The following OR6N1 variants were observed in gnomAD, a reference collection of about 807,000 sequenced individuals.
OR6N1 encodes the protein olfactory receptor 6N1.
For synonymous variants in OR6N1, 170 were observed against 150.7 expected, an observed-to-expected ratio of 1.13 and a Z score of -0.94; for missense variants, 394 against 371.7, an observed-to-expected ratio of 1.06 and a Z score of -0.49.
chr1:158,811,717 C>A, the OR6N1 span, among the ~76,000 whole-genome samples: 1 of 152,066 alleles, frequency 6.6e-6, no homozygotes, highest in Non-Finnish European at 1.5e-5. Flanking sequence ...CAGATAATAG[C>A]AAAATTAAAT....
chr1:158,825,890 G>A, the OR6N1 span, among the ~76,000 whole-genome samples: 1 of 152,128 alleles, frequency 6.6e-6, no homozygotes, highest in Non-Finnish European at 1.5e-5. Context: ...ATTCATCAAT[G>A]GTAGACTGGG....
chr1:158,773,986 T>A (rs1206795727), upstream of OR6N1, among the ~76,000 whole-genome samples: 1 of 152,232 alleles, frequency 6.6e-6, no homozygotes, highest in Non-Finnish European at 1.5e-5. Context: ...GTGCTAATAC[T>A]CCCACTGTAT....
the OR6N1 span, among the ~76,000 whole-genome samples, chr1:158,807,194 TC>T: frequency 3.9e-5 from 6 of 152,100 alleles, no homozygotes; most frequent in Admixed American, 3.9e-4. Flanking sequence ...AGTTCAATAA[TC>T]TTTATAATTT....
At chr1:158,821,259 A>G in the OR6N1 span, among the ~76,000 whole-genome samples, 1 of 152,124 alleles carries the variant, frequency 6.6e-6, no homozygotes. Context: ...CATCATCAAC[A>G]TACCCCACCA....
chr1:158,787,604 CTCTA>C, the OR6N1 span, among the ~76,000 whole-genome samples: 20 of 130,082 alleles, frequency 1.5e-4, no homozygotes, highest in African/African-American at 5.1e-4. Flanking sequence ...CTCTCTCTCT[CTCTA>C]TCTATCTCTC....
the OR6N1 span, among the ~76,000 whole-genome samples, chr1:158,788,345 A>G: frequency 1.3e-5 from 2 of 152,160 alleles, no homozygotes; most frequent in Non-Finnish European, 2.9e-5. Flanking sequence ...TCAGGGCAGT[A>G]TTGCTGTTAA....
the OR6N1 span, among the ~76,000 whole-genome samples, chr1:158,803,144 G>A: frequency 9.9e-5 from 15 of 152,018 alleles, no homozygotes; most frequent in Non-Finnish European, 1.8e-4. Context: ...CATATTAAAC[G>A]GAAGAAAAAT....
chr1:158,773,921 G>T (rs1037923839), upstream of OR6N1, among the ~76,000 whole-genome samples: 5 of 152,160 alleles, frequency 3.3e-5, no homozygotes, highest in African/African-American at 1.2e-4. Context: ...TTAGCTTTGA[G>T]ATAGCCTGCC....
chr1:158,837,778 G>A, the OR6N1 span, among the ~76,000 whole-genome samples: 1 of 151,524 alleles, frequency 6.6e-6, no homozygotes, highest in South Asian at 2.1e-4. Context: ...TTTGTTTTCT[G>A]TATGTCTTAA....
chr1:158,832,383 T>C, the OR6N1 span, among the ~76,000 whole-genome samples: 1 of 151,848 alleles, frequency 6.6e-6, no homozygotes, highest in South Asian at 2.1e-4. Context: ...TAAATCTAAA[T>C]CTAAGCTATT....
In OR6N1 at chr1:158,765,825, G is replaced by C; in HGVS notation, c.858C>G (p.Asn286Lys). The change falls in exon 2 of 2, where the codon AAC (asparagine) becomes AAG (lysine). Residue 286 changes from asparagine to lysine, a missense_variant. By Grantham distance (94) the Asn-to-Lys change is moderately conservative. Transcript: ENST00000641846. Reference protein sequence around the residue: ...VVYSVLTPFLNPFIYSLRNKE... With the variant: ...VVYSVLTPFLKPFIYSLRNKE... ...TGTTGCGCAAGCTGTAGATGAAGGG[G>C]TTGAGGAAGGGTGTGAGCACTGAGT... 1 of 1,614,168 alleles carries C rather than the reference G, an allele frequency of 6.2e-7. No individual in the cohort carries two copies. Among genetic ancestry groups the C allele is most frequent in the Non-Finnish European group, 8.5e-7 (1 of 1,180,006 alleles).
chr1:158,826,333 C>T, the OR6N1 span, among the ~76,000 whole-genome samples: 8 of 151,720 alleles, frequency 5.3e-5, no homozygotes, highest in Admixed American at 1.3e-4. Flanking sequence ...AAGATGGAAA[C>T]TTTAAAAGAA....
At chr1:158,827,476 G>T in the OR6N1 span, among the ~76,000 whole-genome samples, 1 of 152,064 alleles carries the variant, frequency 6.6e-6, no homozygotes, top group Non-Finnish European at 1.5e-5. Flanking sequence ...CAAATATTTT[G>T]ATAACTAATA....
At chr1:158,814,045 T>C in the OR6N1 span, among the ~76,000 whole-genome samples, 3 of 152,140 alleles carry the variant, frequency 2.0e-5, no homozygotes, top group Admixed American at 6.6e-5. Context: ...TAAGAATGCA[T>C]GTCAATACAG....
chr1:158,819,340 C>T, the OR6N1 span, among the ~76,000 whole-genome samples: 1 of 152,198 alleles, frequency 6.6e-6, no homozygotes, highest in Non-Finnish European at 1.5e-5. Flanking sequence ...TCATTTCCTA[C>T]ATTCACAGGA....
chr1:158,803,740 A>G, the OR6N1 span, among the ~76,000 whole-genome samples: 9 of 152,252 alleles, frequency 5.9e-5, no homozygotes, highest in African/African-American at 2.2e-4. Context: ...ACCTGAGCAT[A>G]AGAATTGTAA....
the OR6N1 span, among the ~76,000 whole-genome samples, chr1:158,825,503 C>T: frequency 1.3e-5 from 2 of 150,992 alleles, no homozygotes; most frequent in African/African-American, 4.9e-5. Flanking sequence ...TACATGGGAC[C>T]AACAAGCATA....
At chr1:158,823,696 G>A in the OR6N1 span, among the ~76,000 whole-genome samples, 3 of 148,390 alleles carry the variant, frequency 2.0e-5, no homozygotes, top group African/African-American at 4.9e-5. Context: ...ATGGTTTTTT[G>A]TGTATCAGTT....
the OR6N1 span, among the ~76,000 whole-genome samples, chr1:158,830,026 C>T: frequency 6.6e-6 from 1 of 152,204 alleles, no homozygotes; most frequent in Non-Finnish European, 1.5e-5. Context: ...ATTCATCTTC[C>T]ACCAGGTCCC....
Sources: allele counts gnomAD v4.1 joint callset (sites outside exome capture counted in the v4.1 genomes callset), GRCh38; gene constraint gnomAD v4.1.1; transcripts MANE v1.5; gene names NCBI Gene and HGNC (gene_info 2026-07-23, HGNC 2026-07-21).